Variants in ING4 observed in about 807,000 individuals in gnomAD.
ING4 encodes inhibitor of growth protein 4.
In ING4, 28 loss-of-function variants were observed where a neutral mutation model predicts 33.1. The ratio of observed to expected loss-of-function variants is 0.85; its 90% confidence interval spans 0.63 to 1.16. The LOEUF (loss-of-function observed/expected upper bound fraction) is 1.16. Ranked by LOEUF, ING4 falls within the 50% of genes most tolerant of loss-of-function variation. The pLI is 0.00. For missense variants in ING4, 247 were observed against 314.7 expected (o/e 0.78, Z 1.63); for synonymous variants, 87 against 104.4 (o/e 0.83, Z 1.02).
In ING4 at chr12:6,652,975, A is replaced by C; in HGVS notation, c.352T>G (p.Ser118Ala). The C allele has an allele frequency of 1.9e-6, 3 of 1,613,184 alleles. No individual in the cohort carries two copies. Among genetic ancestry groups the C allele is most frequent in the Non-Finnish European group, 2.5e-6 (3 of 1,179,876 alleles). The change falls in exon 4 of 8, where the codon TCA becomes GCA. Residue 118 changes from serine (S) to alanine (A), a missense_variant. Around this residue, in one of 3 missense-constraint regions of ING4, gnomAD observed 198 missense variants for 221.2 expected, o/e 0.89. Transcript: ENST00000341550. ...EADLKEKQIE[S>A]SDYDSSSSKG... ...CTGGAAGAGCTGTCATAGTCACTTG[A>C]CTCAATCTGTTTCTCCTTGAGATCA...
At position 6,651,086 on chromosome 12, in the gene ING4, G is replaced by T; in HGVS notation, c.*109C>A. ...GGGGAGGAGAAGGGATGACAGCACT[G>T]TGCCATCCACTCCTCCCTGAACCCC... is the stretch of plus-strand genomic sequence containing the variant. On this transcript the variant is annotated 3_prime_UTR_variant, in exon 8 of 8. Transcript: ENST00000341550. The T allele has an allele frequency of 8.3e-7, 1 of 1,205,724 alleles. No individual in the cohort carries two copies. The highest frequency in any genetic ancestry group is 1.2e-6 in the Non-Finnish European group (1 of 820,074). The allele number at this position is 1,205,724 out of a possible 1,614,324, so 74.7% of individuals were successfully genotyped here.
chr12:6,654,246 TTGAGTA>T (rs1471437214), intron 2 of ING4, among the ~76,000 whole-genome samples: 3 of 152,170 alleles, frequency 2.0e-5, no homozygotes, highest in East Asian at 1.9e-4. Context: ...TCCTGAGTAG[TTGAGTA>T]TATCACACAA....
At chr12:6,659,963 T>TA (rs940958911) in intron 1 of ING4, among the ~76,000 whole-genome samples, 1 of 151,824 alleles carries the variant, frequency 6.6e-6, no homozygotes, top group South Asian at 2.1e-4. Context: ...ACAAAAAAAT[T>TA]AAAAAAAATA....
At chr12:6,655,306 A>T (rs1949320317) in intron 2 of ING4, among the ~76,000 whole-genome samples, 1 of 152,228 alleles carries the variant, frequency 6.6e-6, no homozygotes, top group African/African-American at 2.4e-5. Context: ...TGCCTCCCAA[A>T]GTGCTGGGAT....
rs148681796 is a variant in ING4 at position 6,663,043 on chromosome 12, C to T, written c.37+22G>A. On this transcript the variant is annotated intron_variant, in intron 1 of 7. Transcript: ENST00000341550. ...CCCGCACCACTCTGCAGCCCCGACC[C>T]CCACCTCCAGCCTGCTCTTACTGTC... 17,324 of 1,613,344 alleles carry T rather than the reference C, an allele frequency of 0.011. 137 individuals carry two copies. The highest frequency in any genetic ancestry group is 0.012 in the Non-Finnish European group (14,372 of 1,179,458).
chr12:6,657,447 T>TCAAACAAA (rs748962515), intron 1 of ING4, among the ~76,000 whole-genome samples: 2 of 151,730 alleles, frequency 1.3e-5, no homozygotes, highest in African/African-American at 2.4e-5. Flanking sequence ...AGACTCCATC[T>TCAAACAAA]CAAACAAACA....
Position 6,652,277 on chromosome 12 carries a change from G to A in ING4, c.639C>T (p.Asn213=). The A allele has an allele frequency of 6.2e-7, 1 of 1,613,906 alleles. No homozygotes were observed. Among genetic ancestry groups the A allele is most frequent in the East Asian group, 2.2e-5 (1 of 44,872 alleles). The change falls in exon 6 of 8, where the codon AAC becomes AAT. Residue 213 remains asparagine (N), a synonymous_variant. Transcript: ENST00000341550. ...VSYGEMIGCD[N]PDCSIEWFHF... is the part of the protein sequence containing the mutation. Reference sequence around the variant, plus strand: ...AAGGCAAAATGTTTCTCACATCAGGGTTGTCACAGCCAATCATCTCTCCAT... The same window carrying A: ...AAGGCAAAATGTTTCTCACATCAGGATTGTCACAGCCAATCATCTCTCCAT...
At position 6,661,969 on chromosome 12, in the gene ING4, A is replaced by G. The variant is rs555705689; in HGVS notation, c.37+1096T>C. Among the ~76,000 whole-genome samples, 12 of 152,338 alleles carry G rather than the reference A, an allele frequency of 7.9e-5. No homozygotes were observed. The South Asian group carries it at 2.5e-3, about 32-fold the overall frequency. On this transcript the variant is annotated intron_variant, in intron 1 of 7. Transcript: ENST00000341550. ...TATAAAAATCATACTCTACTTTAAA[A>G]TGCAAACTTCTTCGTTTGGCTTAAA...
In ING4 at chr12:6,661,398, C is replaced by T. The variant is rs1949543970; in HGVS notation, c.37+1667G>A. 3.4e-5 allele frequency among the ~76,000 whole-genome samples: 5 copies of T among 147,008 alleles called. No homozygotes were observed. In the Admixed American group the frequency reaches 3.4e-4, roughly 10 times the overall value. Reference sequence around the variant, plus strand: ...GGCATGAGCCACCGTGCCTGGCCACCAGCCTTTGTTTTTTTTTTTTTTTTT... The same window carrying T: ...GGCATGAGCCACCGTGCCTGGCCACTAGCCTTTGTTTTTTTTTTTTTTTTT... On this transcript the variant is annotated intron_variant, in intron 1 of 7. Transcript: ENST00000341550.
Position 6,650,453 on chromosome 12 carries a change from A to T in ING4, c.*742T>A, listed in dbSNP as rs1189537267. 6.6e-6 allele frequency: 1 copy of T among 152,576 alleles called. No homozygotes were observed. The highest frequency in any genetic ancestry group is 2.4e-5 in the African/African-American group (1 of 41,436). The allele number at this position is 152,576 out of a possible 1,614,324, so 9.5% of individuals were successfully genotyped here. A position where few individuals can be genotyped will look rare whatever the true frequency, so the allele number is the denominator to read the frequency against. Reference sequence around the variant, plus strand: ...AAGTTGAGAACTTACAAGTTCTCGGACAGAGGCACCACTCTGGTTTCATGT... The same window carrying T: ...AAGTTGAGAACTTACAAGTTCTCGGTCAGAGGCACCACTCTGGTTTCATGT... On this transcript the variant is annotated 3_prime_UTR_variant, in exon 8 of 8. Transcript: ENST00000341550.
chr12:6,651,246 A>T lies in ING4; in HGVS notation c.708-12T>A, dbSNP rs781034481. The T allele has an allele frequency of 1.2e-5, 20 of 1,614,050 alleles. No individual in the cohort carries two copies. The Admixed American group carries it at 3.2e-4, about 26-fold the overall frequency. On this transcript the variant is annotated splice_polypyrimidine_tract_variant and intron_variant, in intron 7 of 7. Coordinates refer to ENST00000341550, the MANE Select transcript of ING4 (RefSeq NM_016162.4). ...AGCGTGGGCAAAACCTGAAACAGAGAAGGGGAGAGAAAAGTGAGTGAAAGG... is the reference window on the plus strand; with the variant it reads ...AGCGTGGGCAAAACCTGAAACAGAGTAGGGGAGAGAAAAGTGAGTGAAAGG...
intron 2 of ING4, chr12:6,656,516 T>C (rs1379645454): frequency 2.1e-6 from 1 of 472,906 alleles, no homozygotes; most frequent in East Asian, 4.2e-5. Flanking sequence ...CTTTGAATTC[T>C]TGAGGCGTTT....
intron 1 of ING4, among the ~76,000 whole-genome samples, chr12:6,659,338 T>C (rs1217839210): frequency 1.3e-5 from 2 of 150,700 alleles, no homozygotes; most frequent in Non-Finnish European, 3.0e-5. Flanking sequence ...GGTGGCTCAC[T>C]TGAAGCCAGG....
chr12:6,662,781 C>G (rs1472599740), intron 1 of ING4, among the ~76,000 whole-genome samples: 1 of 151,980 alleles, frequency 6.6e-6, no homozygotes. Flanking sequence ...GGCTGGAGAC[C>G]CTGGAGAATG....
At chr12:6,652,593 G>A in intron 5 of ING4, 69 bp downstream of exon 5, 1 of 1,465,826 alleles carries the variant, frequency 6.8e-7, no homozygotes, top group Non-Finnish European at 9.5e-7. Context: ...AGGGGGCGGT[G>A]CAGGCTGGGA....
chr12:6,655,052 A>AT (rs199584457), intron 2 of ING4, among the ~76,000 whole-genome samples: 20,169 of 137,830 alleles, frequency 0.15, 1,421 homozygotes, highest in Non-Finnish European at 0.17. Context: ...TATTTTATTT[A>AT]TTTTTTTTTG....
intron 5 of ING4, 83 bp downstream of exon 5, chr12:6,652,579 C>T (rs940646597): frequency 1.9e-5 from 26 of 1,397,912 alleles, no homozygotes; most frequent in African/African-American, 4.3e-5. Flanking sequence ...ATATAGAAAG[C>T]GGCAGGGGGC....
In ING4 at chr12:6,652,349, AG is replaced by A; in HGVS notation, c.566del (p.Pro189LeufsTer20). The part of the protein sequence containing the change: ...SVHPSDVLDM[P>X]VDPNEPTYCL... ...AATAGGTGGGTTCGTTGGGATCCAC[AG>A]GCATATCCAACACATCAGAGGGGTG... On this transcript the variant is annotated frameshift_variant, in exon 6 of 8. Transcript: ENST00000341550. LOFTEE classifies it high-confidence loss of function. The A allele has an allele frequency of 6.2e-7, 1 of 1,614,126 alleles. No individual in the cohort carries two copies. The highest frequency in any genetic ancestry group is 2.2e-5 in the East Asian group (1 of 44,874).
chr12:6,652,256 CA>C lies in ING4; in HGVS notation c.645+14del. 6.2e-7 allele frequency: 1 copy of C among 1,611,968 alleles called. No individual in the cohort carries two copies. On this transcript the variant is annotated intron_variant, in intron 6 of 7. Coordinates refer to ENST00000341550, the MANE Select transcript of ING4 (RefSeq NM_016162.4). ...CCCCTCACAACCCCCCATCCTAAGG[CA>C]AAATGTTTCTCACATCAGGGTTGTC...
Sources: allele counts gnomAD v4.1 joint callset (sites outside exome capture counted in the v4.1 genomes callset), GRCh38; gene constraint gnomAD v4.1.1; regional missense constraint gnomAD v4.1.1; transcripts MANE v1.5; gene names NCBI Gene and HGNC (gene_info 2026-07-23, HGNC 2026-07-21).